The following NBAS variants were observed in gnomAD, a reference collection of about 807,000 sequenced individuals.
NBAS encodes the protein NBAS subunit of NRZ tethering complex.
Under a neutral mutation model 302.5 loss-of-function variants are expected in NBAS, and 219 were observed. The ratio of observed to expected loss-of-function variants is 0.72; its 90% CI spans 0.65 to 0.81. NBAS has a LOEUF of 0.81. Ranked by LOEUF, NBAS falls within the 30% of genes least tolerant of loss-of-function variation. The pLI is 0.00. For synonymous variants in NBAS, 1,118 were observed against 1,021.6 expected, an observed-to-expected ratio of 1.09 and a Z score of -1.80; for missense variants, 2,932 against 2,841.6, an observed-to-expected ratio of 1.03 and a Z score of -0.72.
intron 35 of NBAS, among the ~76,000 whole-genome samples, chr2:15,344,097 A>G (rs1672979205): frequency 6.6e-6 from 1 of 151,930 alleles, no homozygotes; most frequent in African/African-American, 2.4e-5. Flanking sequence ...ACATTAAGAA[A>G]GTATAAGAAT....
intron 40 of NBAS, 66 bp downstream of exon 40, chr2:15,308,150 T>C: frequency 1.9e-6 from 3 of 1,605,854 alleles, no homozygotes; most frequent in Non-Finnish European, 2.6e-6. Flanking sequence ...ATTAAACACG[T>C]GTTTTGAGTA....
At chr2:15,298,812 C>G (rs1413736580) in intron 40 of NBAS, among the ~76,000 whole-genome samples, 1 of 152,168 alleles carries the variant, frequency 6.6e-6, no homozygotes, top group Non-Finnish European at 1.5e-5. Flanking sequence ...ATTTGACCCT[C>G]CTATCAAGCT....
At chr2:15,452,115 G>A (rs1679045305) in intron 21 of NBAS, among the ~76,000 whole-genome samples, 1 of 152,128 alleles carries the variant, frequency 6.6e-6, no homozygotes, top group Non-Finnish European at 1.5e-5. Flanking sequence ...GGGCTAGGTG[G>A]GAAGATGGGG....
chr2:15,278,921 G>A (rs1029453339), intron 42 of NBAS, among the ~76,000 whole-genome samples: 4 of 152,114 alleles, frequency 2.6e-5, no homozygotes, highest in African/African-American at 7.2e-5. Flanking sequence ...AAAGCAAAAC[G>A]CCTGTACAAG....
chr2:14,971,237 C>T, the NBAS span, among the ~76,000 whole-genome samples: 1 of 152,278 alleles, frequency 6.6e-6, no homozygotes, highest in East Asian at 1.9e-4. Flanking sequence ...AAACTGCCAG[C>T]CGGACACAGT....
At chr2:15,064,627 T>C in the NBAS span, among the ~76,000 whole-genome samples, 1 of 152,168 alleles carries the variant, frequency 6.6e-6, no homozygotes, top group African/African-American at 2.4e-5. Context: ...CACTTAGGAA[T>C]TCTACCAAAT....
intron 26 of NBAS, 113 bp downstream of exon 26, chr2:15,402,055 G>C (rs1327393445): frequency 8.6e-7 from 1 of 1,161,484 alleles, no homozygotes; most frequent in Non-Finnish European, 1.3e-6. Flanking sequence ...TCTTCCTTAT[G>C]TTTTTTTCAC....
intron 35 of NBAS, among the ~76,000 whole-genome samples, chr2:15,346,546 T>C (rs979934503): frequency 6.6e-6 from 1 of 152,240 alleles, no homozygotes; most frequent in Non-Finnish European, 1.5e-5. Context: ...GCTTTTACAC[T>C]GTTGGTGGGA....
At chr2:14,836,104 T>C in the NBAS span, among the ~76,000 whole-genome samples, 3 of 151,968 alleles carry the variant, frequency 2.0e-5, no homozygotes, top group Non-Finnish European at 4.4e-5. Context: ...GTGGAATGGC[T>C]GTTGCAATAT....
Position 15,328,244 on chromosome 2 carries a change from A to C in NBAS, c.4416T>G (p.Cys1472Trp). The C allele has an allele frequency of 3.7e-6, 6 of 1,613,974 alleles. No homozygotes were observed. The highest frequency in any genetic ancestry group is 5.1e-6 in the Non-Finnish European group (6 of 1,179,916). Residue 1472 changes from cysteine to tryptophan, a missense_variant, in exon 37 of 52, where the codon TGT (cysteine) becomes TGG (tryptophan). Coordinates refer to ENST00000281513, the MANE Select transcript of NBAS (RefSeq NM_015909.4). ...AGATGACAGATTCATAAAAAGGATG[A>C]CACCCTTGTTTCTCTAGATCTTCAT... The part of the protein sequence containing the change: ...TANEDLEKQG[C>W]HPFYESVISN...
the NBAS span, among the ~76,000 whole-genome samples, chr2:15,040,953 GC>G: frequency 6.6e-6 from 1 of 152,172 alleles, no homozygotes; most frequent in South Asian, 2.1e-4. Context: ...TTGAGCTACT[GC>G]CTAATTAAAC....
intron 35 of NBAS, among the ~76,000 whole-genome samples, chr2:15,333,938 C>T (rs1336578305): frequency 1.3e-5 from 2 of 151,578 alleles, no homozygotes; most frequent in Non-Finnish European, 2.9e-5. Flanking sequence ...ACATTATTTA[C>T]CAGCAGTAAA....
chr2:15,056,106 A>AG, the NBAS span, among the ~76,000 whole-genome samples: 1 of 151,692 alleles, frequency 6.6e-6, no homozygotes, highest in African/African-American at 2.4e-5. Context: ...GGAAGTAAAA[A>AG]AAAAAAAACT....
chr2:14,856,387 C>A, the NBAS span, among the ~76,000 whole-genome samples: 1 of 152,086 alleles, frequency 6.6e-6, no homozygotes, highest in Non-Finnish European at 1.5e-5. Flanking sequence ...AATGAACAGA[C>A]AACAAAGATC....
At chr2:15,213,331 G>C (rs538299836) in intron 48 of NBAS, among the ~76,000 whole-genome samples, 1 of 152,204 alleles carries the variant, frequency 6.6e-6, no homozygotes. Flanking sequence ...AATAGGCATG[G>C]CATTTTTCAA....
chr2:14,957,726 C>T, the NBAS span, among the ~76,000 whole-genome samples: 94 of 152,242 alleles, frequency 6.2e-4, 1 homozygote, highest in South Asian at 0.018. Flanking sequence ...CCTGCCTGAG[C>T]GTCCCATCTC....
chr2:15,474,297 A>T lies in NBAS; in HGVS notation c.1369T>A (p.Ser457Thr). The change falls in exon 15 of 52, where the codon TCT becomes ACT. Residue 457 changes from serine (S) to threonine (T), a missense_variant. Ser to Thr is a moderately conservative substitution (Grantham distance 58). Transcript: ENST00000281513. ...ECEIKLAPKR[S>T]RLETRAGEED... ...TCTCCAGCTCTAGTCTCCAAACGAG[A>T]TCGTTTGGGGGCAAGTTTAATCTCA... The T allele has an allele frequency of 6.2e-7, 1 of 1,613,376 alleles. No individual in the cohort carries two copies. The highest frequency in any genetic ancestry group is 8.5e-7 in the Non-Finnish European group (1 of 1,179,542).
chr2:15,167,408 C>T (rs1040450447), intron 51 of NBAS, 85 bp from the exon 52 acceptor site: 1 of 1,515,628 alleles, frequency 6.6e-7, no homozygotes. Context: ...CACTGGGCTG[C>T]CTTCATCATC....
chr2:14,881,021 A>G, the NBAS span, among the ~76,000 whole-genome samples: 11 of 151,918 alleles, frequency 7.2e-5, no homozygotes, highest in African/African-American at 2.4e-4. Context: ...TGAGTGAAAA[A>G]AAGTTCTTTA....
Sources: gnomAD v4.1 joint callset for allele counts (sites outside exome capture counted in the v4.1 genomes callset) on GRCh38, gnomAD v4.1.1 for gene constraint, MANE v1.5 for transcripts, NCBI Gene and HGNC (gene_info 2026-07-23, HGNC 2026-07-21) for gene names.